Variants in IFT57 observed in about 807,000 individuals in gnomAD.
The protein encoded by IFT57 is intraflagellar transport protein 57 homolog.
Under a neutral mutation model 56.8 loss-of-function variants are expected in IFT57, and 59 were observed. The ratio of observed to expected loss-of-function variants is 1.04; its 90% confidence interval spans 0.84 to 1.29. IFT57 has a LOEUF of 1.29. IFT57 is among the 50% of genes most tolerant of loss of function. IFT57 has a pLI of 0.00. For missense variants in IFT57, 470 were observed against 522.1 expected (o/e 0.90, Z 0.97); for synonymous variants, 209 against 186.1 (o/e 1.12, Z -1.00).
chr3:108,162,436 T>TA lies in IFT57; in HGVS notation c.*40dup, dbSNP rs529101351. On this transcript the variant is annotated 3_prime_UTR_variant, in exon 11 of 11. Coordinates refer to ENST00000264538, the MANE Select transcript of IFT57 (RefSeq NM_018010.4). Reference sequence around the variant, plus strand: ...ATGCAACATGAAATATAGTTTGATATAAAAAACCCAACTAATCAGAAACAT... The same window carrying TA: ...ATGCAACATGAAATATAGTTTGATATAAAAAAACCCAACTAATCAGAAACAT... 2.2e-3 allele frequency: 3,307 copies of TA among 1,510,312 alleles called. 22 individuals are homozygous for TA. Among genetic ancestry groups the TA allele is most frequent in the Non-Finnish European group, 1.7e-3 (1,870 of 1,116,080 alleles). 93.6% of individuals were successfully genotyped at this position (1,510,312 alleles called of 1,614,324 possible).
intron 6 of IFT57, among the ~76,000 whole-genome samples, chr3:108,175,828 G>A (rs531431724): frequency 1.3e-5 from 2 of 151,466 alleles, no homozygotes; most frequent in African/African-American, 4.8e-5. Flanking sequence ...TTGACTTTGC[G>A]AGTGGAGAGG....
At chr3:108,217,977 TAAAG>T (rs1367101979) in intron 3 of IFT57, among the ~76,000 whole-genome samples, 3 of 147,928 alleles carry the variant, frequency 2.0e-5, no homozygotes, top group Non-Finnish European at 4.5e-5. Flanking sequence ...GTCAGAATAG[TAAAG>T]AACAATTTTA....
At chr3:108,167,920 C>T in intron 6 of IFT57, 56 bp from the exon 7 acceptor site, 6 of 1,339,900 alleles carry the variant, frequency 4.5e-6, no homozygotes, top group Non-Finnish European at 6.2e-6. Context: ...TCCATCTTTC[C>T]CTACTTCTTG....
intron 3 of IFT57, among the ~76,000 whole-genome samples, chr3:108,217,174 T>A (rs558947695): frequency 6.6e-6 from 1 of 152,176 alleles, no homozygotes; most frequent in Non-Finnish European, 1.5e-5. Context: ...TCATTGTATA[T>A]TGTACACATG....
At chr3:108,186,534 G>A (rs57119311) in intron 6 of IFT57, among the ~76,000 whole-genome samples, 13,940 of 152,116 alleles carry the variant, frequency 0.092, 700 homozygotes, top group Middle Eastern at 0.12. Flanking sequence ...GAAGGGCTCT[G>A]ATTATTCAAG....
Position 108,162,693 on chromosome 3 carries a change from T to C in IFT57, c.1112-38A>G, listed in dbSNP as rs772449083. 1.9e-5 allele frequency: 29 copies of C among 1,499,754 alleles called. No homozygotes were observed. In the Admixed American group the frequency reaches 2.5e-4, roughly 13 times the overall value. 92.9% of individuals were successfully genotyped at this position (1,499,754 alleles called of 1,614,324 possible). ...AATAACATGAAATAAAAATGTTCAT[T>C]TGGAGTATCAGTGTATTACAGAATT... is the stretch of plus-strand genomic sequence containing the variant. On this transcript the variant is annotated intron_variant, in intron 10 of 10. Transcript: ENST00000264538.
intron 10 of IFT57, among the ~76,000 whole-genome samples, chr3:108,163,414 T>C (rs2080044680): frequency 6.6e-6 from 1 of 152,132 alleles, no homozygotes; most frequent in Non-Finnish European, 1.5e-5. Context: ...TATTTAAATA[T>C]TTCCCACTCT....
Position 108,203,397 on chromosome 3 carries a change from C to A in IFT57, c.654+3231G>T, listed in dbSNP as rs1287653824. Reference sequence around the variant, plus strand: ...TTTGCATTCTCACTTCATTTTACTGCAAATCTCAGGAATATGCTTGTGTAG... The same window carrying A: ...TTTGCATTCTCACTTCATTTTACTGAAAATCTCAGGAATATGCTTGTGTAG... On this transcript the variant is annotated intron_variant, in intron 5 of 10. Transcript: ENST00000264538. 2.0e-5 allele frequency among the ~76,000 whole-genome samples: 3 copies of A among 152,164 alleles called. No homozygotes were observed. In the South Asian group the frequency reaches 6.2e-4, roughly 31 times the overall value.
intron 4 of IFT57, 186 bp downstream of exon 4, chr3:108,213,744 TA>T: frequency 2.0e-6 from 1 of 502,694 alleles, no homozygotes; most frequent in Non-Finnish European, 3.5e-6. Context: ...CCTCAATCAT[TA>T]GAGAATACAA....
At chr3:108,207,250 A>G (rs1289747) in intron 4 of IFT57, among the ~76,000 whole-genome samples, 118,662 of 152,132 alleles carry the variant, frequency 0.78, 47,284 homozygotes, top group Non-Finnish European at 0.86. Flanking sequence ...ATTAAAAAGG[A>G]TAGTATAGGT....
At chr3:108,184,846 T>G (rs2080172223) in intron 6 of IFT57, among the ~76,000 whole-genome samples, 1 of 152,180 alleles carries the variant, frequency 6.6e-6, no homozygotes, top group Admixed American at 6.5e-5. Context: ...TTTTCATGTT[T>G]AGTGCAATAT....
At chr3:108,175,062 G>A (rs954011813) in intron 6 of IFT57, among the ~76,000 whole-genome samples, 2 of 151,716 alleles carry the variant, frequency 1.3e-5, no homozygotes, top group African/African-American at 4.8e-5. Flanking sequence ...TGTATTTTCC[G>A]CATATTACAT....
At chr3:108,212,809 T>C (rs980552286) in intron 4 of IFT57, among the ~76,000 whole-genome samples, 2 of 152,244 alleles carry the variant, frequency 1.3e-5, no homozygotes, top group Non-Finnish European at 2.9e-5. Flanking sequence ...TAATTATCTA[T>C]TGATTTTAAA....
At chr3:108,214,421 GATC>G (rs2080359752) in intron 3 of IFT57, among the ~76,000 whole-genome samples, 1 of 152,072 alleles carries the variant, frequency 6.6e-6, no homozygotes, top group Non-Finnish European at 1.5e-5. Context: ...ATATTGCAAA[GATC>G]ATCTTTGTAC....
Position 108,162,442 on chromosome 3 carries a change from A to C in IFT57, c.*35T>G, listed in dbSNP as rs774757325. 6.5e-7 allele frequency: 1 copy of C among 1,530,428 alleles called. No homozygotes were observed. Among genetic ancestry groups the C allele is most frequent in the Non-Finnish European group, 8.8e-7 (1 of 1,131,626 alleles). The allele number at this position is 1,530,428 out of a possible 1,614,324, so 94.8% of individuals were successfully genotyped here. On this transcript the variant is annotated 3_prime_UTR_variant, in exon 11 of 11. Transcript: ENST00000264538. ...CATGAAATATAGTTTGATATAAAAA[A>C]CCCAACTAATCAGAAACATGAAAAC...
chr3:108,196,353 A>T (rs1301825910), intron 5 of IFT57, among the ~76,000 whole-genome samples: 1 of 151,948 alleles, frequency 6.6e-6, no homozygotes, highest in African/African-American at 2.4e-5. Context: ...CCATACTACC[A>T]CTTTCTTCAG....
rs766019601 is a variant in IFT57 at position 108,222,179 on chromosome 3, C to A, written c.144G>T (p.Val48=). Reference sequence around the variant, plus strand: ...CGTAGCGGAGCAGCTTCAGCTTCTCCACCAAGTCCTCCATCACCACGAACA... The same window carrying A: ...CGTAGCGGAGCAGCTTCAGCTTCTCAACCAAGTCCTCCATCACCACGAACA... ...YHMFVVMEDL[V]EKLKLLRYEE... The change falls in exon 1 of 11, where the codon GTG becomes GTT. Residue 48 remains valine (V), a synonymous_variant. Transcript: ENST00000264538. 3.7e-6 allele frequency: 6 copies of A among 1,613,976 alleles called. No individual in the cohort carries two copies. The highest frequency in any genetic ancestry group is 4.2e-6 in the Non-Finnish European group (5 of 1,179,998).
intron 10 of IFT57, 56 bp downstream of exon 10, chr3:108,163,607 T>C (rs2080045888): frequency 2.6e-6 from 3 of 1,171,152 alleles, no homozygotes; most frequent in Admixed American, 3.6e-5. Flanking sequence ...AGTAGGTTTC[T>C]TGAAGAGCTA....
intron 5 of IFT57, among the ~76,000 whole-genome samples, chr3:108,194,735 G>T (rs911499096): frequency 3.3e-5 from 5 of 152,138 alleles, no homozygotes; most frequent in Non-Finnish European, 5.9e-5. Flanking sequence ...AACATACATT[G>T]TGGAAAGGAC....
Sources: allele counts gnomAD v4.1 joint callset (sites outside exome capture counted in the v4.1 genomes callset), GRCh38; gene constraint gnomAD v4.1.1; transcripts MANE v1.5; gene names NCBI Gene and HGNC (gene_info 2026-07-23, HGNC 2026-07-21).